RGS7BP: variants seen among roughly 807,000 people sequenced by gnomAD.
The protein encoded by RGS7BP is regulator of G protein signaling 7-binding protein.
A neutral mutation model predicts 31.3 loss-of-function variants in RGS7BP; 9 were observed. The observed-to-expected ratio is 0.29, with a 90% CI of 0.17 to 0.50. The LOEUF is 0.50. Ranked by LOEUF, RGS7BP falls within the 20% of genes least tolerant of loss-of-function variation. The pLI, the probability that RGS7BP is intolerant of heterozygous loss-of-function variation, is 0.98. For synonymous variants in RGS7BP, 115 were observed against 120.1 expected, an observed-to-expected ratio of 0.96 and a Z score of 0.28; for missense variants, 274 against 322.0, an observed-to-expected ratio of 0.85 and a Z score of 1.14.
chr5:64,566,349 A>T (rs954341294), intron 2 of RGS7BP, among the ~76,000 whole-genome samples: 1 of 152,164 alleles, frequency 6.6e-6, no homozygotes, highest in African/African-American at 2.4e-5. Context: ...GAAAAAGAAC[A>T]TCTTGTAAGT....
At chr5:64,536,262 A>C (rs1469226815) in intron 2 of RGS7BP, among the ~76,000 whole-genome samples, 2 of 152,190 alleles carry the variant, frequency 1.3e-5, no homozygotes, top group East Asian at 1.9e-4. Flanking sequence ...GACAAACTTC[A>C]ACTGGGAGCA....
At chr5:64,586,359 A>G (rs10491471) in intron 3 of RGS7BP, among the ~76,000 whole-genome samples, 5,437 of 152,250 alleles carry the variant, frequency 0.036, 138 homozygotes, top group Non-Finnish European at 0.054. Context: ...ATCATCTTGA[A>G]CTACTTTGAG....
At chr5:64,567,288 T>C (rs1460986808) in intron 2 of RGS7BP, among the ~76,000 whole-genome samples, 1 of 152,106 alleles carries the variant, frequency 6.6e-6, no homozygotes, top group Admixed American at 6.6e-5. Context: ...GAGGAGTCCG[T>C]TTGGAACTGG....
chr5:64,609,865 C>T lies in RGS7BP; in HGVS notation c.*613C>T, dbSNP rs1383336631. ...ATCTTAATTTATAAAGCAACAAAAA[C>T]CACATATGAAAAGTACTAAAATTTT... is the stretch of plus-strand genomic sequence containing the variant. On this transcript the variant is annotated 3_prime_UTR_variant, in exon 6 of 6. Transcript: ENST00000334025. 6.6e-6 allele frequency: 1 copy of T among 152,410 alleles called. No individual in the cohort carries two copies. Among genetic ancestry groups the T allele is most frequent in the East Asian group, 1.9e-4 (1 of 5,184 alleles). 9.4% of individuals were successfully genotyped at this position (152,410 alleles called of 1,614,324 possible). A position where few individuals can be genotyped will look rare whatever the true frequency, so the allele number is the denominator to read the frequency against.
chr5:64,514,716 G>A (rs545290662), intron 2 of RGS7BP, among the ~76,000 whole-genome samples: 42 of 152,218 alleles, frequency 2.8e-4, no homozygotes, highest in Non-Finnish European at 5.3e-4. Context: ...ATCCACACCC[G>A]GGGTGTTCAC....
intron 2 of RGS7BP, among the ~76,000 whole-genome samples, chr5:64,541,776 A>G (rs556563084): frequency 2.4e-4 from 37 of 151,886 alleles, no homozygotes; most frequent in African/African-American, 8.2e-4. Context: ...TTTTTTACTC[A>G]GTGTACTAAA....
intron 5 of RGS7BP, 78 bp from the exon 6 acceptor site, chr5:64,609,083 G>A: frequency 2.2e-6 from 2 of 892,828 alleles, no homozygotes; most frequent in South Asian, 2.6e-5. Context: ...GGAGGATGGT[G>A]GATTTTTAAA....
intron 3 of RGS7BP, among the ~76,000 whole-genome samples, chr5:64,577,435 A>G (rs1416797441): frequency 6.6e-6 from 1 of 152,088 alleles, no homozygotes; most frequent in Non-Finnish European, 1.5e-5. Flanking sequence ...GTGAGACTCC[A>G]TCTCGAAAAA....
At chr5:64,581,545 G>A (rs1273890515) in intron 3 of RGS7BP, among the ~76,000 whole-genome samples, 1 of 152,224 alleles carries the variant, frequency 6.6e-6, no homozygotes, top group Admixed American at 6.5e-5. Flanking sequence ...CAGGACATGA[G>A]TTTACTCTTT....
At chr5:64,587,704 G>C (rs1742795502) in intron 3 of RGS7BP, among the ~76,000 whole-genome samples, 1 of 152,174 alleles carries the variant, frequency 6.6e-6, no homozygotes, top group Admixed American at 6.6e-5. Context: ...CATGACTACA[G>C]TGCTTTTTCC....
intron 3 of RGS7BP, among the ~76,000 whole-genome samples, chr5:64,585,559 C>G (rs1241171811): frequency 1.3e-5 from 2 of 152,016 alleles, no homozygotes; most frequent in Non-Finnish European, 2.9e-5. Flanking sequence ...CCAGCCCACT[C>G]CTCTGGTGCC....
At chr5:64,521,632 C>A (rs114494163) in intron 2 of RGS7BP, among the ~76,000 whole-genome samples, 1,557 of 152,198 alleles carry the variant, frequency 0.01, 15 homozygotes, top group Non-Finnish European at 0.014. Flanking sequence ...TCCTATTTTT[C>A]CATTACCATG....
chr5:64,571,374 C>A (rs1263757759), intron 2 of RGS7BP, among the ~76,000 whole-genome samples: 1 of 152,082 alleles, frequency 6.6e-6, no homozygotes, highest in East Asian at 1.9e-4. Context: ...AAATAAAATA[C>A]CATGAATATT....
At chr5:64,576,004 T>A in intron 3 of RGS7BP, 100 bp downstream of exon 3, 1 of 1,013,702 alleles carries the variant, frequency 9.9e-7, no homozygotes, top group Non-Finnish European at 1.4e-6. Context: ...CCTATCTATA[T>A]GCAATTACGA....
chr5:64,594,535 A>C (rs570959506), intron 3 of RGS7BP, among the ~76,000 whole-genome samples, 175 bp from the exon 4 acceptor site: 59 of 152,256 alleles, frequency 3.9e-4, no homozygotes, highest in Non-Finnish European at 6.6e-4. Context: ...ATACACACAA[A>C]CACACATACT....
intron 2 of RGS7BP, among the ~76,000 whole-genome samples, chr5:64,575,422 G>A (rs1463708225): frequency 6.6e-6 from 1 of 152,038 alleles, no homozygotes; most frequent in East Asian, 1.9e-4. Context: ...TAAAAACAAG[G>A]GTTTTTAATC....
intron 2 of RGS7BP, among the ~76,000 whole-genome samples, chr5:64,520,942 T>A (rs1038246483): frequency 6.6e-6 from 1 of 152,212 alleles, no homozygotes; most frequent in African/African-American, 2.4e-5. Context: ...GGAGAGATTA[T>A]CAGACCAATC....
chr5:64,548,244 G>A (rs73111043), intron 2 of RGS7BP, among the ~76,000 whole-genome samples: 2,747 of 151,792 alleles, frequency 0.018, 64 homozygotes, highest in African/African-American at 0.062. Context: ...CTGTTTAAAC[G>A]TTTCACCAAA....
chr5:64,608,128 T>C (rs1223702402), intron 5 of RGS7BP, among the ~76,000 whole-genome samples: 2 of 151,998 alleles, frequency 1.3e-5, no homozygotes, highest in Non-Finnish European at 2.9e-5. Flanking sequence ...TACGTAACAG[T>C]CACCAATGCC....
Sources: gnomAD v4.1 joint callset for allele counts (sites outside exome capture counted in the v4.1 genomes callset) on GRCh38, gnomAD v4.1.1 for gene constraint, MANE v1.5 for transcripts, NCBI Gene and HGNC (gene_info 2026-07-23, HGNC 2026-07-21) for gene names.